ATP8B4: variants seen among roughly 807,000 people sequenced by gnomAD.
ATP8B4 encodes probable phospholipid-transporting ATPase IM.
Under a neutral mutation model 145.6 loss-of-function variants are expected in ATP8B4, and 133 were observed. That is an observed-to-expected ratio of 0.91 (90% confidence interval 0.79 to 1.05). The LOEUF is 1.05. Ranked by LOEUF, ATP8B4 falls within the 50% of genes least tolerant of loss-of-function variation. The pLI is 0.00. For missense variants in ATP8B4, 1,458 were observed against 1,425.2 expected, an observed-to-expected ratio of 1.02 and a Z score of -0.37; for synonymous variants, 507 against 492.9, an observed-to-expected ratio of 1.03 and a Z score of -0.38.
At chr15:50,135,815 T>C (rs2044114295) in intron 1 of ATP8B4, among the ~76,000 whole-genome samples, 1 of 152,192 alleles carries the variant, frequency 6.6e-6, no homozygotes, top group Non-Finnish European at 1.5e-5. Context: ...GGGGAAACTT[T>C]CTATCCAATT....
intron 25 of ATP8B4, among the ~76,000 whole-genome samples, chr15:49,873,998 G>A (rs2034025620): frequency 6.6e-6 from 1 of 152,162 alleles, no homozygotes; most frequent in Admixed American, 6.6e-5. Context: ...ACACCCAGAT[G>A]AACTCTCTTG....
intron 16 of ATP8B4, among the ~76,000 whole-genome samples, chr15:49,926,705 T>C (rs930049287): frequency 1.3e-5 from 2 of 152,076 alleles, no homozygotes; most frequent in African/African-American, 4.8e-5. Flanking sequence ...GGAACTTAAA[T>C]CAATATTTAC....
intron 2 of ATP8B4, among the ~76,000 whole-genome samples, chr15:50,093,449 A>G (rs947916528): frequency 2.0e-5 from 3 of 152,108 alleles, no homozygotes; most frequent in Non-Finnish European, 4.4e-5. Context: ...AAGTAGTAAA[A>G]GTACTCATTC....
chr15:50,085,638 G>A (rs2054854188), intron 2 of ATP8B4, among the ~76,000 whole-genome samples: 1 of 151,560 alleles, frequency 6.6e-6, no homozygotes, highest in South Asian at 2.1e-4. Context: ...GTAAGCCTGT[G>A]CAGAATTCTC....
intron 17 of ATP8B4, among the ~76,000 whole-genome samples, chr15:49,922,967 T>C (rs2040390941): frequency 2.0e-5 from 3 of 152,132 alleles, no homozygotes; most frequent in Admixed American, 1.3e-4. Context: ...CTCTAAACTT[T>C]CCCTAGAGGT....
chr15:49,986,941 T>A (rs2046658386), intron 10 of ATP8B4, among the ~76,000 whole-genome samples: 1 of 139,240 alleles, frequency 7.2e-6, no homozygotes, highest in African/African-American at 2.7e-5. Context: ...CTATGGAGTA[T>A]AAACAGAAAT....
At chr15:50,062,543 C>A (rs1435578792) in intron 3 of ATP8B4, among the ~76,000 whole-genome samples, 1 of 151,948 alleles carries the variant, frequency 6.6e-6, no homozygotes, top group South Asian at 2.1e-4. Context: ...GCTGATAAAC[C>A]CAATTGGAAA....
At chr15:49,925,805 C>G (rs2040662732) in intron 16 of ATP8B4, among the ~76,000 whole-genome samples, 1 of 152,140 alleles carries the variant, frequency 6.6e-6, no homozygotes, top group African/African-American at 2.4e-5. Context: ...GCTTTAGCAG[C>G]AAGTTTTATA....
At chr15:49,880,757 G>A (rs149967040) in intron 23 of ATP8B4, 8 of 151,602 alleles carry the variant, frequency 5.3e-5, no homozygotes, top group Admixed American at 1.3e-4. Context: ...CAGCTGTAAG[G>A]ATTTAGAAAG....
At position 50,010,924 on chromosome 15, in the gene ATP8B4, A is replaced by G; in HGVS notation, c.363-7T>C. The G allele has an allele frequency of 6.6e-7, 1 of 1,523,570 alleles. No individual in the cohort carries two copies. The highest frequency in any genetic ancestry group is 1.4e-5 in the African/African-American group (1 of 70,036). The allele number at this position is 1,523,570 out of a possible 1,614,324, so 94.4% of individuals were successfully genotyped here. A position where few individuals can be genotyped will look rare whatever the true frequency, so the allele number is the denominator to read the frequency against. On this transcript the variant is annotated splice_region_variant and splice_polypyrimidine_tract_variant and intron_variant, in intron 6 of 27. Coordinates refer to ENST00000284509, the MANE Select transcript of ATP8B4 (RefSeq NM_024837.4). ...CCATTTTTCATTCTGCAGTCTAAAA[A>G]CAAAAATAAAATTAATTTTCTTCAA...
At chr15:49,987,337 G>C in intron 10 of ATP8B4, 54 bp downstream of exon 10, 1 of 1,569,910 alleles carries the variant, frequency 6.4e-7, no homozygotes, top group Non-Finnish European at 8.7e-7. Flanking sequence ...GACTGTGCTG[G>C]TGTACGTTGC....
At chr15:49,928,931 G>GA (rs1195718311) in intron 16 of ATP8B4, among the ~76,000 whole-genome samples, 2 of 152,058 alleles carry the variant, frequency 1.3e-5, no homozygotes, top group African/African-American at 4.8e-5. Flanking sequence ...TTAGTCTAGA[G>GA]AAGTGGTCCC....
intron 2 of ATP8B4, among the ~76,000 whole-genome samples, chr15:50,085,556 A>C (rs114228986): frequency 0.013 from 1,968 of 152,118 alleles, 42 homozygotes; most frequent in African/African-American, 0.045. Context: ...ACATGATCAC[A>C]TCCTACGGCA....
rs1362099461 is a variant in ATP8B4 at position 49,905,237 on chromosome 15, A to G, written c.2142-3998T>C. Among the ~76,000 whole-genome samples, 4 of 152,240 alleles carry G rather than the reference A, an allele frequency of 2.6e-5. No individual in the cohort carries two copies. In the East Asian group the frequency reaches 7.7e-4, roughly 29 times the overall value. ...TATATCCATGTTTATGAAATAATCT[A>G]AGCACATTTGACAGGTTTAAATATA... On this transcript the variant is annotated intron_variant, in intron 20 of 27. Coordinates refer to ENST00000284509, the MANE Select transcript of ATP8B4 (RefSeq NM_024837.4).
chr15:50,038,134 A>T (rs986679298), intron 6 of ATP8B4, among the ~76,000 whole-genome samples: 33 of 151,846 alleles, frequency 2.2e-4, no homozygotes, highest in African/African-American at 7.8e-4. Flanking sequence ...AAAAGAGAGT[A>T]AGAAATGATG....
intron 1 of ATP8B4, among the ~76,000 whole-genome samples, chr15:50,164,632 C>G (rs1033055222): frequency 1.3e-5 from 2 of 152,232 alleles, no homozygotes; most frequent in Non-Finnish European, 2.9e-5. Flanking sequence ...CATGTGTACC[C>G]AAAGTCCACT....
At chr15:50,174,364 G>A (rs892763498) in intron 1 of ATP8B4, among the ~76,000 whole-genome samples, 1 of 152,082 alleles carries the variant, frequency 6.6e-6, no homozygotes, top group African/African-American at 2.4e-5. Context: ...GTCACTGTTT[G>A]CTGACGATAG....
chr15:50,045,076 G>A, intron 4 of ATP8B4, among the ~76,000 whole-genome samples: 1 of 152,058 alleles, frequency 6.6e-6, no homozygotes. Flanking sequence ...CATCTGCCTT[G>A]CACCAGACAC....
chr15:50,003,127 C>A (rs2048028541), intron 7 of ATP8B4, among the ~76,000 whole-genome samples: 1 of 152,148 alleles, frequency 6.6e-6, no homozygotes, highest in Non-Finnish European at 1.5e-5. Context: ...GTATGATTGG[C>A]ATTCCAAATC....
Sources: gnomAD v4.1 joint callset for allele counts (sites outside exome capture counted in the v4.1 genomes callset) on GRCh38, gnomAD v4.1.1 for gene constraint, MANE v1.5 for transcripts, NCBI Gene and HGNC (gene_info 2026-07-23, HGNC 2026-07-21) for gene names.